The following HACD2 variants were observed in gnomAD, a reference collection of about 807,000 sequenced individuals.
HACD2 encodes 3-hydroxyacyl-CoA dehydratase 2, also known as very-long-chain (3R)-3-hydroxyacyl-CoA dehydratase 2.
In HACD2, 15 loss-of-function variants were observed where a neutral mutation model predicts 31.0. The observed-to-expected ratio is 0.48, with a 90% CI of 0.32 to 0.75. HACD2 has a LOEUF of 0.75. Among genes scored for constraint, HACD2 ranks in the 30% least tolerant of loss-of-function variants. The pLI, the probability that HACD2 is intolerant of heterozygous loss-of-function variation, is 0.03. For missense variants in HACD2, 283 were observed against 313.0 expected (o/e 0.90, Z 0.72); for synonymous variants, 115 against 122.2 (o/e 0.94, Z 0.39).
intron 3 of HACD2, among the ~76,000 whole-genome samples, chr3:123,555,490 T>G (rs2056663538): frequency 1.3e-5 from 2 of 152,088 alleles, no homozygotes; most frequent in East Asian, 3.9e-4. Flanking sequence ...AAAAAATCAT[T>G]TATACTAACA....
intron 4 of HACD2, among the ~76,000 whole-genome samples, chr3:123,526,919 T>C (rs748692466): frequency 3.9e-5 from 6 of 152,204 alleles, no homozygotes; most frequent in Non-Finnish European, 7.4e-5. Flanking sequence ...TTGGCAGATG[T>C]GCTCATAGCT....
chr3:123,552,229 T>C (rs2056627547), intron 3 of HACD2, among the ~76,000 whole-genome samples: 1 of 152,096 alleles, frequency 6.6e-6, no homozygotes, highest in Admixed American at 6.6e-5. Flanking sequence ...TGTGGGATGC[T>C]ATGGCAATCT....
At chr3:123,548,918 C>A (rs1177752214) in intron 3 of HACD2, among the ~76,000 whole-genome samples, 1 of 151,314 alleles carries the variant, frequency 6.6e-6, no homozygotes, top group East Asian at 1.9e-4. Flanking sequence ...AGCTACTGTG[C>A]CCAGCCCAAG....
chr3:123,561,746 A>G (rs549366703), intron 3 of HACD2, among the ~76,000 whole-genome samples: 1 of 152,234 alleles, frequency 6.6e-6, no homozygotes, highest in South Asian at 2.1e-4. Context: ...CCACATGAAT[A>G]AAAAACCACA....
intron 4 of HACD2, among the ~76,000 whole-genome samples, chr3:123,518,833 TAA>T: frequency 1.3e-5 from 2 of 151,534 alleles, no homozygotes; most frequent in South Asian, 4.2e-4. Flanking sequence ...CCATCTCTAC[TAA>T]AAAATACAAA....
chr3:123,524,107 G>T (rs1382376237), intron 4 of HACD2, among the ~76,000 whole-genome samples: 1 of 152,128 alleles, frequency 6.6e-6, no homozygotes, highest in Non-Finnish European at 1.5e-5. Flanking sequence ...GCTGAGATTG[G>T]GTTAGGCTTC....
intron 2 of HACD2, among the ~76,000 whole-genome samples, chr3:123,572,759 C>A (rs1398245879): frequency 6.6e-6 from 1 of 152,086 alleles, no homozygotes; most frequent in Non-Finnish European, 1.5e-5. Flanking sequence ...CAACAAAGCC[C>A]CAAAAAGTTT....
Position 123,494,989 on chromosome 3 carries a change from T to C in HACD2, c.683-19A>G, listed in dbSNP as rs765367967. ...GGAAAAACTGAAAAGAAAAGAAAAA[T>C]TGGTTAAGAGGATGGTTTAAAATTG... On this transcript the variant is annotated intron_variant, in intron 6 of 6. Transcript: ENST00000383657. The C allele has an allele frequency of 5.4e-6, 8 of 1,489,024 alleles. 1 individual carries two copies. In the South Asian group the frequency reaches 9.7e-5, roughly 18 times the overall value. The allele number at this position is 1,489,024 out of a possible 1,614,324, so 92.2% of individuals were successfully genotyped here.
intron 1 of HACD2, among the ~76,000 whole-genome samples, chr3:123,583,219 T>C (rs770699828): frequency 2.0e-5 from 3 of 152,176 alleles, no homozygotes; most frequent in Non-Finnish European, 4.4e-5. Context: ...AAAGCTTACT[T>C]TGCTCTCACA....
intron 3 of HACD2, among the ~76,000 whole-genome samples, chr3:123,541,922 C>T (rs931239885): frequency 2.6e-5 from 4 of 151,796 alleles, no homozygotes; most frequent in South Asian, 4.2e-4. Context: ...CCGAGGCGGG[C>T]GGATCACGAG....
chr3:123,512,219 C>G (rs543763349), intron 4 of HACD2, among the ~76,000 whole-genome samples: 17 of 152,154 alleles, frequency 1.1e-4, no homozygotes, highest in Non-Finnish European at 2.4e-4. Context: ...AAGCTTGTTT[C>G]TCTTTTCTAT....
intron 2 of HACD2, among the ~76,000 whole-genome samples, chr3:123,577,990 A>G (rs2056925902): frequency 6.6e-6 from 1 of 152,134 alleles, no homozygotes; most frequent in South Asian, 2.1e-4. Context: ...GAACAATATC[A>G]TCACCTTAAA....
chr3:123,575,011 T>C (rs150857351), intron 2 of HACD2, among the ~76,000 whole-genome samples: 2,924 of 152,296 alleles, frequency 0.019, 86 homozygotes, highest in South Asian at 0.02. Context: ...GGATTCCACA[T>C]GATCACACTG....
At chr3:123,530,619 G>A (rs2056347998) in intron 3 of HACD2, among the ~76,000 whole-genome samples, 1 of 152,114 alleles carries the variant, frequency 6.6e-6, no homozygotes, top group South Asian at 2.1e-4. Context: ...ATGTTGGCCA[G>A]GATGGTCTCG....
intron 3 of HACD2, among the ~76,000 whole-genome samples, chr3:123,552,498 CA>C (rs1003636564): frequency 1.3e-5 from 2 of 152,124 alleles, no homozygotes; most frequent in African/African-American, 2.4e-5. Flanking sequence ...TAAACCAACC[CA>C]AACTTCCAAT....
At chr3:123,524,020 A>C (rs1576748851) in intron 4 of HACD2, among the ~76,000 whole-genome samples, 1 of 152,234 alleles carries the variant, frequency 6.6e-6, no homozygotes, top group African/African-American at 2.4e-5. Context: ...CAGTATCTTT[A>C]CTTAGCAGTT....
At position 123,549,791 on chromosome 3, in the gene HACD2, T is replaced by C. The variant is rs373613931; in HGVS notation, c.292+17971A>G. Among the ~76,000 whole-genome samples the C allele has an allele frequency of 6.6e-5, 10 of 152,294 alleles. No individual in the cohort carries two copies. In the East Asian group the frequency reaches 1.7e-3, roughly 26 times the overall value. On this transcript the variant is annotated intron_variant, in intron 3 of 6. Transcript: ENST00000383657. Reference sequence around the variant, plus strand: ...CAAAAACACCACAAAGATCAGCTGCTGCTTGCAGACTGACATACCTCTAAA... The same window carrying C: ...CAAAAACACCACAAAGATCAGCTGCCGCTTGCAGACTGACATACCTCTAAA...
At chr3:123,503,511 G>GA (rs771903109) in intron 4 of HACD2, among the ~76,000 whole-genome samples, 4 of 151,998 alleles carry the variant, frequency 2.6e-5, no homozygotes, top group South Asian at 2.1e-4. Context: ...TTTTTATGCT[G>GA]AAAAAAACAA....
At chr3:123,580,325 A>G (rs376171926) in intron 2 of HACD2, among the ~76,000 whole-genome samples, 8 of 152,240 alleles carry the variant, frequency 5.3e-5, no homozygotes, top group South Asian at 2.1e-4. Flanking sequence ...AAAATATAAA[A>G]ATGAGCCAGG....
Sources: gnomAD v4.1 joint callset for allele counts (sites outside exome capture counted in the v4.1 genomes callset) on GRCh38, gnomAD v4.1.1 for gene constraint, MANE v1.5 for transcripts, NCBI Gene and HGNC (gene_info 2026-07-23, HGNC 2026-07-21) for gene names.